RGS5: variants seen among roughly 807,000 people sequenced by gnomAD.
RGS5 encodes regulator of G-protein signalling 5.
Under a neutral mutation model 18.9 loss-of-function variants are expected in RGS5, and 20 were observed. That is an observed-to-expected ratio of 1.06 (90% CI 0.74 to 1.54). The LOEUF is 1.54. Among genes scored for constraint, RGS5 ranks in the 40% most tolerant of loss-of-function variants. The pLI is 0.00. For missense variants in RGS5, 201 were observed against 211.8 expected (o/e 0.95, Z 0.32); for synonymous variants, 57 against 76.2 (o/e 0.75, Z 1.31).
intron 2 of RGS5, among the ~76,000 whole-genome samples, chr1:163,263,343 G>A (rs1648500770): frequency 6.6e-6 from 1 of 152,044 alleles, no homozygotes; most frequent in African/African-American, 2.4e-5. Context: ...CTTGAACTAG[G>A]TTCTTTTCCC....
At chr1:163,251,873 T>C (rs888724312) in intron 2 of RGS5, among the ~76,000 whole-genome samples, 1 of 152,198 alleles carries the variant, frequency 6.6e-6, no homozygotes, top group Non-Finnish European at 1.5e-5. Flanking sequence ...CTGTGCTATG[T>C]ATATACCACC....
chr1:163,246,329 G>A (rs1246514833), intron 2 of RGS5, among the ~76,000 whole-genome samples: 1 of 151,970 alleles, frequency 6.6e-6, no homozygotes, highest in Non-Finnish European at 1.5e-5. Flanking sequence ...CCAGCACTTT[G>A]GGAGGCTGAG....
intron 1 of RGS5, chr1:163,306,445 G>A (rs1186247344): frequency 6.6e-6 from 1 of 152,174 alleles, no homozygotes; most frequent in African/African-American, 2.4e-5. Context: ...TCCAGGAATT[G>A]CATTTTGTTC....
intron 1 of RGS5, among the ~76,000 whole-genome samples, chr1:163,320,594 A>G (rs911719022): frequency 6.6e-6 from 1 of 152,162 alleles, no homozygotes; most frequent in Non-Finnish European, 1.5e-5. Flanking sequence ...TCAGTAATCA[A>G]TTTGATTTGG....
intron 1 of RGS5, among the ~76,000 whole-genome samples, chr1:163,189,828 C>T (rs1659266642): frequency 6.6e-6 from 1 of 152,100 alleles, no homozygotes; most frequent in Non-Finnish European, 1.5e-5. Flanking sequence ...TTCCAGAGCT[C>T]CTAGAAACAG....
intron 2 of RGS5, among the ~76,000 whole-genome samples, chr1:163,282,272 A>G (rs1649014487): frequency 6.6e-6 from 1 of 152,198 alleles, no homozygotes; most frequent in African/African-American, 2.4e-5. Flanking sequence ...TTAAAATAGA[A>G]AAAGATTTGA....
chr1:163,262,165 T>G (rs1052465654), intron 2 of RGS5, among the ~76,000 whole-genome samples: 1 of 147,096 alleles, frequency 6.8e-6, no homozygotes, highest in Non-Finnish European at 1.5e-5. Flanking sequence ...TTTTTTTTTT[T>G]TTTTATTATA....
chr1:163,167,571 G>T (rs1168740238), intron 2 of RGS5, among the ~76,000 whole-genome samples: 3 of 152,170 alleles, frequency 2.0e-5, no homozygotes, highest in Non-Finnish European at 2.9e-5. Context: ...TGCCTAAATT[G>T]ACAGGAGGAA....
chr1:163,180,442 T>C (rs1251245389), intron 1 of RGS5, among the ~76,000 whole-genome samples: 1 of 152,168 alleles, frequency 6.6e-6, no homozygotes, highest in Non-Finnish European at 1.5e-5. Flanking sequence ...CCTCCTCACC[T>C]ATAATGGTTC....
intron 1 of RGS5, among the ~76,000 whole-genome samples, chr1:163,310,510 G>C (rs1369789495): frequency 6.7e-6 from 1 of 149,780 alleles, no homozygotes; most frequent in South Asian, 2.1e-4. Context: ...GGGAGGTGGA[G>C]CTTGCAGTGA....
intron 1 of RGS5, chr1:163,211,961 T>C (rs1289160398): frequency 2.6e-5 from 4 of 152,226 alleles, no homozygotes; most frequent in African/African-American, 9.6e-5. Context: ...ACTACAAATA[T>C]TATCCAATGT....
chr1:163,287,910 C>T (rs1649183531), intron 2 of RGS5, among the ~76,000 whole-genome samples: 1 of 152,170 alleles, frequency 6.6e-6, no homozygotes, highest in Non-Finnish European at 1.5e-5. Context: ...AGTTATGCTA[C>T]AATTTAGTTG....
upstream of RGS5, among the ~76,000 whole-genome samples, chr1:163,207,338 T>G (rs1310071364): frequency 6.6e-6 from 1 of 152,226 alleles, no homozygotes; most frequent in African/African-American, 2.4e-5. Context: ...AAATTAATAT[T>G]CCTATATATG....
intron 2 of RGS5, among the ~76,000 whole-genome samples, chr1:163,224,854 A>ATTCAGATATT (rs1178446036): frequency 6.6e-6 from 1 of 152,088 alleles, no homozygotes; most frequent in Non-Finnish European, 1.5e-5. Context: ...AGAAATGTAT[A>ATTCAGATATT]TTCAGATATT....
intron 1 of RGS5, among the ~76,000 whole-genome samples, chr1:163,190,478 A>C (rs752365148): frequency 6.6e-6 from 1 of 152,208 alleles, no homozygotes. Context: ...AGGATCTTAC[A>C]CAAGATCATA....
intron 2 of RGS5, among the ~76,000 whole-genome samples, chr1:163,263,088 T>G (rs1460577294): frequency 6.6e-6 from 1 of 152,208 alleles, no homozygotes; most frequent in Non-Finnish European, 1.5e-5. Context: ...TTGCTTGGGC[T>G]TTATAGCTTA....
intron 1 of RGS5, among the ~76,000 whole-genome samples, chr1:163,169,401 T>C (rs1240798189): frequency 1.3e-5 from 2 of 152,176 alleles, no homozygotes; most frequent in Non-Finnish European, 2.9e-5. Context: ...CTGGGTCAAA[T>C]GGTATTTCTA....
At chr1:163,164,465 G>T (rs919598614) in intron 2 of RGS5, among the ~76,000 whole-genome samples, 1 of 152,142 alleles carries the variant, frequency 6.6e-6, no homozygotes, top group Non-Finnish European at 1.5e-5. Context: ...TGCTGGAAGC[G>T]CTGTCTCTCT....
At chr1:163,239,428 G>A (rs1225372199) in intron 2 of RGS5, among the ~76,000 whole-genome samples, 1 of 150,844 alleles carries the variant, frequency 6.6e-6, no homozygotes, top group Non-Finnish European at 1.5e-5. Context: ...GGAGGTTGCA[G>A]TGAGCCAAGA....
Sources: allele counts gnomAD v4.1 joint callset (sites outside exome capture counted in the v4.1 genomes callset), GRCh38; gene constraint gnomAD v4.1.1; transcripts MANE v1.5; gene names NCBI Gene and HGNC (gene_info 2026-07-23, HGNC 2026-07-21).